Variants in PISD observed in about 807,000 individuals in gnomAD.
PISD encodes the protein phosphatidylserine decarboxylase proenzyme, mitochondrial.
PISD carries 31 observed loss-of-function variants against 43.5 expected under a neutral mutation model. The observed-to-expected ratio is 0.71, with a 90% CI of 0.54 to 0.96. The LOEUF (loss-of-function observed/expected upper bound fraction) is 0.96. Among genes scored for constraint, PISD ranks in the 40% least tolerant of loss-of-function variants. The probability of loss-of-function intolerance (pLI) is 0.00; values close to 1 mark genes in which losing one functional copy is unlikely to be tolerated. For synonymous variants in PISD, 259 were observed against 228.7 expected (o/e 1.13, Z -1.20); for missense variants, 523 against 548.4 (o/e 0.95, Z 0.46).
intron 3 of PISD, among the ~76,000 whole-genome samples, chr22:31,636,882 T>C (rs1289036399): frequency 1.3e-5 from 2 of 151,764 alleles, no homozygotes; most frequent in Non-Finnish European, 2.9e-5. Context: ...TTCACCATGT[T>C]GGCCAGGCTG....
rs373892212 is a variant in PISD, at chr22:31,619,607, A to G, written c.*5T>C. ...CCCTTAGCAGCCATAATCAGGAAAG[A>G]GACTCTAGAGCGAGCCCAGGGCTTC... is the stretch of plus-strand genomic sequence containing the variant. On this transcript the variant is annotated 3_prime_UTR_variant, in exon 8 of 8. Coordinates refer to ENST00000439502, the MANE Select transcript of PISD (RefSeq NM_001326411.2). 1.2e-5 allele frequency: 19 copies of G among 1,609,818 alleles called. No individual in the cohort carries two copies. The African/African-American group carries it at 1.9e-4, about 16-fold the overall frequency.
At chr22:31,650,542 G>GA (rs1174113047) in intron 2 of PISD, among the ~76,000 whole-genome samples, 157 bp downstream of exon 2, 6 of 144,446 alleles carry the variant, frequency 4.2e-5, no homozygotes, top group East Asian at 2.1e-4. Context: ...AAAAAAAAAA[G>GA]AAAAAGAAAA....
At chr22:31,662,381 G>T (rs1704451729), upstream of PISD, 3 of 648,220 alleles carry the variant, frequency 4.6e-6, no homozygotes, top group Non-Finnish European at 8.2e-6. Context: ...ACCTGCGGAG[G>T]TAGGGGAACT....
chr22:31,632,431 C>T (rs992993599), intron 3 of PISD: 66 of 154,594 alleles, frequency 4.3e-4, no homozygotes, highest in African/African-American at 1.5e-3. Flanking sequence ...GACATCACTA[C>T]GGGAGGTCCT....
Position 31,621,712 on chromosome 22 carries a change from G to A in PISD, c.495C>T (p.Leu165=). Reference sequence around the variant, plus strand: ...TCAGCTTGCGCCGGAAGAACTCGCTGAGGTTGCGGTAGTGATGCAGGTCCT... The same window carrying A: ...TCAGCTTGCGCCGGAAGAACTCGCTAAGGTTGCGGTAGTGATGCAGGTCCT... ...AVEDLHHYRN[L]SEFFRRKLKP... The change falls in exon 4 of 8, where the codon CTC becomes CTT. Residue 165 remains leucine (L), a synonymous_variant. Transcript: ENST00000439502. 6.2e-7 allele frequency: 1 copy of A among 1,614,126 alleles called. No individual in the cohort carries two copies. The highest frequency in any genetic ancestry group is 8.5e-7 in the Non-Finnish European group (1 of 1,180,038).
At chr22:31,621,518 T>TC in intron 4 of PISD, 46 bp from the exon 5 acceptor site, 8 of 1,610,366 alleles carry the variant, frequency 5.0e-6, no homozygotes, top group South Asian at 2.2e-5. Context: ...CAGGGTCTCC[T>TC]CCCCCCAGGA....
chr22:31,645,729 G>A (rs1453087542), intron 3 of PISD, among the ~76,000 whole-genome samples: 1 of 148,850 alleles, frequency 6.7e-6, no homozygotes, highest in Admixed American at 6.7e-5. Flanking sequence ...CATAACGGCA[G>A]GTGCCTGTAA....
At chr22:31,623,017 GC>G (rs1371722754) in intron 3 of PISD, among the ~76,000 whole-genome samples, 1 of 152,208 alleles carries the variant, frequency 6.6e-6, no homozygotes, top group African/African-American at 2.4e-5. Context: ...GTGAGCCCAG[GC>G]CCTTCCCAGG....
intron 7 of PISD, 115 bp downstream of exon 7, chr22:31,620,438 C>A: frequency 9.5e-7 from 1 of 1,050,120 alleles, no homozygotes. Flanking sequence ...CAGGCCTGAC[C>A]AGAGCTGTGG....
intron 3 of PISD, among the ~76,000 whole-genome samples, chr22:31,637,227 G>A (rs2073533838): frequency 8.0e-6 from 1 of 124,346 alleles, no homozygotes; most frequent in Non-Finnish European, 1.6e-5. Context: ...GCCGGGCATG[G>A]TGGTGCACGC....
chr22:31,625,984 G>A, intron 3 of PISD: 1 of 1,465,412 alleles, frequency 6.8e-7, no homozygotes, highest in Non-Finnish European at 9.0e-7. Flanking sequence ...TTCAGTCTCG[G>A]TGGCTCACAG....
At chr22:31,634,802 T>C (rs1601379168) in intron 3 of PISD, among the ~76,000 whole-genome samples, 2 of 133,304 alleles carry the variant, frequency 1.5e-5, no homozygotes, top group East Asian at 4.4e-4. Context: ...TGCCACTGCA[T>C]TCAGCCTGGG....
At position 31,642,653 on chromosome 22, in the gene PISD, C is replaced by T. The variant is rs187690907; in HGVS notation, c.321+5448G>A. ...ACTAAAAATACAAAAATTAGCTGGG[C>T]GTGGTGGTGCGCGCACCTGTAGTCC... is the stretch of plus-strand genomic sequence containing the variant. On this transcript the variant is annotated intron_variant, in intron 3 of 7. Transcript: ENST00000439502. 1.7e-4 allele frequency among the ~76,000 whole-genome samples: 25 copies of T among 150,218 alleles called. 3 individuals carry two copies. Among genetic ancestry groups the T allele is most frequent in the African/African-American group, 5.3e-4 (21 of 39,928 alleles).
chr22:31,653,313 C>T (rs62239174), intron 1 of PISD, among the ~76,000 whole-genome samples: 8,330 of 152,186 alleles, frequency 0.055, 212 homozygotes, highest in Non-Finnish European at 0.065. Context: ...AGAATTTTAA[C>T]GAGAAGTGCA....
chr22:31,621,617 G>T, intron 4 of PISD, 32 bp downstream of exon 4: 1 of 1,599,876 alleles, frequency 6.3e-7, no homozygotes, highest in Non-Finnish European at 8.6e-7. Flanking sequence ...AAAAAGTCCT[G>T]TTTCCTGCAG....
chr22:31,619,349 G>A lies in PISD; in HGVS notation c.*263C>T. On this transcript the variant is annotated 3_prime_UTR_variant, in exon 8 of 8. Coordinates refer to ENST00000439502, the MANE Select transcript of PISD (RefSeq NM_001326411.2). Reference sequence around the variant, plus strand: ...ATACAGTGTTTAAAAAGATCCAAATGTGACTGAGATCATTCCAGCCTGCAC... The same window carrying A: ...ATACAGTGTTTAAAAAGATCCAAATATGACTGAGATCATTCCAGCCTGCAC... 5.6e-6 allele frequency: 3 copies of A among 532,230 alleles called. No individual in the cohort carries two copies. The highest frequency in any genetic ancestry group is 1.1e-5 in the Non-Finnish European group (3 of 285,568). The allele number at this position is 532,230 out of a possible 1,614,324, so 33.0% of individuals were successfully genotyped here.
At chr22:31,637,696 T>C (rs753394479) in intron 3 of PISD, among the ~76,000 whole-genome samples, 17 of 152,218 alleles carry the variant, frequency 1.1e-4, no homozygotes, top group Non-Finnish European at 1.0e-4. Context: ...GCATCTCTGC[T>C]TTTGTGAAAG....
At chr22:31,661,013 G>A (rs1041164550) in intron 1 of PISD, among the ~76,000 whole-genome samples, 3 of 152,144 alleles carry the variant, frequency 2.0e-5, no homozygotes, top group Admixed American at 1.3e-4. Context: ...GAGGTTACAG[G>A]CGTGAGCCAC....
At chr22:31,657,244 C>A (rs2074204893) in intron 1 of PISD, among the ~76,000 whole-genome samples, 1 of 151,844 alleles carries the variant, frequency 6.6e-6, no homozygotes, top group African/African-American at 2.4e-5. Context: ...TCAAGCAATT[C>A]TCTGCCTCAG....
Sources: gnomAD v4.1 joint callset for allele counts (sites outside exome capture counted in the v4.1 genomes callset) on GRCh38, gnomAD v4.1.1 for gene constraint, MANE v1.5 for transcripts, NCBI Gene and HGNC (gene_info 2026-07-23, HGNC 2026-07-21) for gene names.